CCDC102B: variants seen among roughly 807,000 people sequenced by gnomAD.
CCDC102B encodes coiled-coil domain containing 102B.
In CCDC102B, 75 loss-of-function variants were observed where a neutral mutation model predicts 57.4. That is an observed-to-expected ratio of 1.31 (90% CI 1.08 to 1.58). The LOEUF (loss-of-function observed/expected upper bound fraction) is 1.58. Ranked by LOEUF, CCDC102B falls within the 40% of genes most tolerant of loss-of-function variation. The pLI is 0.00. For synonymous variants in CCDC102B, 206 were observed against 201.9 expected (o/e 1.02, Z -0.17); for missense variants, 636 against 582.6 (o/e 1.09, Z -0.94).
intron 1 of CCDC102B, among the ~76,000 whole-genome samples, chr18:68,814,501 A>G (rs541253163): frequency 1.9e-3 from 286 of 152,234 alleles, no homozygotes; most frequent in African/African-American, 6.7e-3. Context: ...TCTTCATTCA[A>G]TGGTCAGTTA....
chr18:68,821,364 AT>A (rs1182363330), intron 1 of CCDC102B, among the ~76,000 whole-genome samples: 1 of 151,322 alleles, frequency 6.6e-6, no homozygotes, highest in Non-Finnish European at 1.5e-5. Flanking sequence ...ATTTTATAAA[AT>A]TTTAAAAATT....
chr18:68,764,986 G>GC (rs917997035), intron 2 of CCDC102B, among the ~76,000 whole-genome samples: 12 of 151,626 alleles, frequency 7.9e-5, no homozygotes, highest in Admixed American at 3.3e-4. Context: ...GTTCGAGGCT[G>GC]CAGTGAGTGG....
Position 68,837,331 on chromosome 18 carries a change from A to G in CCDC102B, c.568A>G (p.Lys190Glu), listed in dbSNP as rs769705485. ...MHESIREYLVKRQFSTKEDTN... is the reference protein window; with the variant it reads ...MHESIREYLVERQFSTKEDTN... ...TGAGTCTATCAGAGAGTATTTGGTA[A>G]AAAGACAATTTTCTACAAAGGAGGA... The change falls in exon 2 of 8, where the codon AAA becomes GAA. Residue 190 changes from lysine (K) to glutamate (E), a missense_variant. Lys to Glu is a moderately conservative substitution (Grantham distance 56, BLOSUM62 1). Coordinates refer to ENST00000360242, the MANE Select transcript of CCDC102B (RefSeq NM_024781.3). The G allele has an allele frequency of 3.7e-6, 6 of 1,610,216 alleles. No individual in the cohort carries two copies. The highest frequency in any genetic ancestry group is 5.1e-6 in the Non-Finnish European group (6 of 1,178,592).
chr18:69,008,899 A>G (rs2051424936), intron 6 of CCDC102B, among the ~76,000 whole-genome samples: 1 of 152,212 alleles, frequency 6.6e-6, no homozygotes, highest in Non-Finnish European at 1.5e-5. Context: ...AAAGGCTGCC[A>G]TATTATATTG....
At chr18:69,000,719 G>T (rs903022435) in intron 6 of CCDC102B, among the ~76,000 whole-genome samples, 1 of 152,100 alleles carries the variant, frequency 6.6e-6, no homozygotes, top group Non-Finnish European at 1.5e-5. Context: ...TTAAACAAGA[G>T]AATGACCCTC....
At chr18:68,961,423 G>A (rs186513219) in intron 6 of CCDC102B, among the ~76,000 whole-genome samples, 11 of 151,632 alleles carry the variant, frequency 7.3e-5, no homozygotes, top group Non-Finnish European at 1.5e-4. Flanking sequence ...TTTTAACTTA[G>A]GTATTGTAAA....
At chr18:68,997,356 C>G (rs1312874736) in intron 6 of CCDC102B, among the ~76,000 whole-genome samples, 1 of 152,084 alleles carries the variant, frequency 6.6e-6, no homozygotes, top group Non-Finnish European at 1.5e-5. Context: ...CATATTGTAT[C>G]TATTTCCTCA....
chr18:68,831,011 T>C (rs1265772202), intron 1 of CCDC102B, among the ~76,000 whole-genome samples: 1 of 152,030 alleles, frequency 6.6e-6, no homozygotes, highest in Admixed American at 6.6e-5. Flanking sequence ...TTATTCATAT[T>C]ATAAAGAAGT....
At chr18:69,030,844 G>A (rs746993662) in intron 7 of CCDC102B, among the ~76,000 whole-genome samples, 4 of 152,028 alleles carry the variant, frequency 2.6e-5, no homozygotes, top group Non-Finnish European at 5.9e-5. Flanking sequence ...TAGTAGAGAT[G>A]GGGTTTCAAC....
At chr18:68,987,602 A>G (rs547585191) in intron 6 of CCDC102B, among the ~76,000 whole-genome samples, 1 of 152,202 alleles carries the variant, frequency 6.6e-6, no homozygotes, top group Non-Finnish European at 1.5e-5. Flanking sequence ...AGAAACTAAC[A>G]GAGTAAATAG....
intron 6 of CCDC102B, among the ~76,000 whole-genome samples, chr18:68,909,574 C>CT (rs1308045964): frequency 6.6e-6 from 1 of 152,052 alleles, no homozygotes; most frequent in African/African-American, 2.4e-5. Context: ...TCATCAATTA[C>CT]TTTTTTAAAA....
chr18:69,030,746 C>T (rs567898054), intron 7 of CCDC102B, among the ~76,000 whole-genome samples: 1 of 152,246 alleles, frequency 6.6e-6, no homozygotes, highest in Admixed American at 6.5e-5. Context: ...CCTCCACCTC[C>T]TGGGTTCAAG....
At chr18:68,986,662 C>A (rs1694689479) in intron 6 of CCDC102B, among the ~76,000 whole-genome samples, 1 of 151,832 alleles carries the variant, frequency 6.6e-6, no homozygotes, top group South Asian at 2.1e-4. Flanking sequence ...GTCCAGAAAT[C>A]CCTAAAGATA....
At chr18:68,925,951 G>GT (rs1158381952) in intron 6 of CCDC102B, among the ~76,000 whole-genome samples, 5 of 151,774 alleles carry the variant, frequency 3.3e-5, no homozygotes, top group African/African-American at 7.3e-5. Flanking sequence ...TGACACTTTT[G>GT]TTTTTTATAA....
chr18:68,883,688 T>A (rs1054637719), intron 5 of CCDC102B, among the ~76,000 whole-genome samples: 15 of 152,180 alleles, frequency 9.9e-5, no homozygotes, highest in African/African-American at 2.4e-4. Flanking sequence ...ACAGGGGGAT[T>A]TAATGACATT....
rs552661242 is a variant in CCDC102B at position 68,935,411 on chromosome 18, C to T, written c.1263+37983C>T. Reference sequence around the variant, plus strand: ...GATATAGAAATGAATGTGTATCAGCCGTATTTTGGAGAGAGGATTAAGAGG... The same window carrying T: ...GATATAGAAATGAATGTGTATCAGCTGTATTTTGGAGAGAGGATTAAGAGG... On this transcript the variant is annotated intron_variant, in intron 6 of 7. Coordinates refer to ENST00000360242, the MANE Select transcript of CCDC102B (RefSeq NM_024781.3). 1.1e-3 allele frequency among the ~76,000 whole-genome samples: 173 copies of T among 151,898 alleles called. 2 individuals carry two copies. The highest frequency in any genetic ancestry group is 4.0e-3 in the African/African-American group (165 of 41,474).
intron 2 of CCDC102B, among the ~76,000 whole-genome samples, chr18:68,765,337 GAA>G (rs1423963045): frequency 2.3e-5 from 2 of 87,420 alleles, no homozygotes; most frequent in African/African-American, 4.2e-5. Flanking sequence ...AAGAAAGAAA[GAA>G]AGAAAGAAAG....
intron 6 of CCDC102B, among the ~76,000 whole-genome samples, chr18:68,988,181 G>A (rs903835111): frequency 1.3e-5 from 2 of 151,992 alleles, no homozygotes; most frequent in Non-Finnish European, 2.9e-5. Flanking sequence ...AAAAAATGTG[G>A]TACGTATACA....
In CCDC102B at chr18:68,732,945, T is replaced by G. The variant is rs529720279; in HGVS notation, c.-67+16351T>G. On this transcript the variant is annotated intron_variant, in intron 2 of 3. Coordinates refer to the CCDC102B transcript ENST00000578970. Reference sequence around the variant, plus strand: ...CGGACTTCCATAGACTGATTTAGCCTAGGGACAAAATAAAGACATCCAATG... The same window carrying G: ...CGGACTTCCATAGACTGATTTAGCCGAGGGACAAAATAAAGACATCCAATG... Among the ~76,000 whole-genome samples, 439 of 152,118 alleles carry G rather than the reference T, an allele frequency of 2.9e-3. 6 individuals are homozygous for G. Among genetic ancestry groups the G allele is most frequent in the South Asian group, 0.024 (117 of 4,810 alleles).
Sources: gnomAD v4.1 joint callset for allele counts (sites outside exome capture counted in the v4.1 genomes callset) on GRCh38, gnomAD v4.1.1 for gene constraint, MANE v1.5 for transcripts, NCBI Gene and HGNC (gene_info 2026-07-23, HGNC 2026-07-21) for gene names.